Variants in ADAM19 observed in about 807,000 individuals in gnomAD.
ADAM19 encodes disintegrin and metalloproteinase domain-containing protein 19.
In ADAM19, 65 loss-of-function variants were observed where a neutral mutation model predicts 114.7. The observed-to-expected ratio is 0.57, with a 90% CI of 0.46 to 0.70. ADAM19 has a LOEUF of 0.70. ADAM19 is among the 30% of genes least tolerant of loss of function. The pLI is 0.00. For synonymous variants in ADAM19, 466 were observed against 460.5 expected, an observed-to-expected ratio of 1.01 and a Z score of -0.15; for missense variants, 1,063 against 1,204.7, an observed-to-expected ratio of 0.88 and a Z score of 1.74.
At chr5:157,555,468 T>C (rs1453096537) in intron 3 of ADAM19, among the ~76,000 whole-genome samples, 2 of 152,172 alleles carry the variant, frequency 1.3e-5, no homozygotes, top group Admixed American at 6.5e-5. Context: ...TATTGCTCAA[T>C]ATGTTTTTTT....
intron 3 of ADAM19, among the ~76,000 whole-genome samples, chr5:157,541,736 T>G (rs186176528): frequency 6.6e-6 from 1 of 152,270 alleles, no homozygotes; most frequent in African/African-American, 2.4e-5. Flanking sequence ...CTCAGGACAA[T>G]TCCTTTAAGT....
chr5:157,521,732 G>A (rs552517099), intron 5 of ADAM19, among the ~76,000 whole-genome samples: 1 of 152,272 alleles, frequency 6.6e-6, no homozygotes, highest in East Asian at 1.9e-4. Context: ...AAGGAGCAAG[G>A]GTCGCATCCA....
At chr5:157,548,851 G>T (rs1379394757) in intron 3 of ADAM19, among the ~76,000 whole-genome samples, 2 of 152,188 alleles carry the variant, frequency 1.3e-5, no homozygotes, top group African/African-American at 4.8e-5. Context: ...TTTCCAGAGA[G>T]CCTAGATGAA....
At position 157,477,542 on chromosome 5, in the gene ADAM19, G is replaced by A. The variant is rs963940382; in HGVS notation, c.*3407C>T. On this transcript the variant is annotated 3_prime_UTR_variant, in exon 23 of 23. Coordinates refer to ENST00000257527, the MANE Select transcript of ADAM19 (RefSeq NM_033274.5). ...TGGACGGTGTGAGAGGACGCGTTGGGGGTGACTTTGGAAATGTGGGCTTGG... is the reference window on the plus strand; with the variant it reads ...TGGACGGTGTGAGAGGACGCGTTGGAGGTGACTTTGGAAATGTGGGCTTGG... 4.3e-5 allele frequency: 51 copies of A among 1,184,246 alleles called. No homozygotes were observed. The highest frequency in any genetic ancestry group is 5.4e-5 in the Non-Finnish European group (50 of 934,180). 73.4% of individuals were successfully genotyped at this position (1,184,246 alleles called of 1,614,324 possible). A position where few individuals can be genotyped will look rare whatever the true frequency, so the allele number is the denominator to read the frequency against.
At chr5:157,551,157 C>A (rs936074383) in intron 3 of ADAM19, among the ~76,000 whole-genome samples, 3 of 152,156 alleles carry the variant, frequency 2.0e-5, no homozygotes, top group East Asian at 1.9e-4. Context: ...GTAATCCCAG[C>A]ACTTTGGGAA....
At chr5:157,539,161 A>T (rs954961696) in intron 3 of ADAM19, among the ~76,000 whole-genome samples, 1 of 152,082 alleles carries the variant, frequency 6.6e-6, no homozygotes, top group Non-Finnish European at 1.5e-5. Flanking sequence ...CTCAAAAAAA[A>T]AAAAAAAAAG....
chr5:157,490,381 G>A lies in ADAM19; in HGVS notation c.2169C>T (p.Cys723=), dbSNP rs200633946. 1.9e-6 allele frequency: 3 copies of A among 1,614,134 alleles called. No homozygotes were observed. Among genetic ancestry groups the A allele is most frequent in the Middle Eastern group, 1.6e-4 (1 of 6,062 alleles). Residue 723 remains cysteine (C), a synonymous_variant, in exon 19 of 23, where the codon TGC becomes TGT. Coordinates refer to ENST00000257527, the MANE Select transcript of ADAM19 (RefSeq NM_033274.5). ...VLAVLMLMYY[C]CRQNNKLGQL... is the part of the protein sequence containing the mutation. ...GGCCTAGTTTGTTGTTCTGTCTGCA[G>A]CAGTAGTACATCAGCATGAGGACCG...
At chr5:157,549,069 CTCCA>C (rs1308427843) in intron 3 of ADAM19, among the ~76,000 whole-genome samples, 2 of 152,152 alleles carry the variant, frequency 1.3e-5, no homozygotes, top group Non-Finnish European at 2.9e-5. Context: ...CCAAGTACAC[CTCCA>C]TCCTCTTGGC....
intron 21 of ADAM19, 73 bp from the exon 22 acceptor site, chr5:157,482,016 A>T: frequency 1.6e-6 from 2 of 1,250,354 alleles, no homozygotes; most frequent in Admixed American, 2.8e-5. Context: ...GATATCTTAC[A>T]GGTTAAAATC....
At chr5:157,524,016 G>A (rs1756383847) in intron 5 of ADAM19, among the ~76,000 whole-genome samples, 4 of 152,234 alleles carry the variant, frequency 2.6e-5, no homozygotes, top group Admixed American at 2.6e-4. Flanking sequence ...CTGGTTATTT[G>A]CCCATGTCAC....
chr5:157,564,156 G>A (rs1358750237), intron 3 of ADAM19, among the ~76,000 whole-genome samples: 1 of 152,164 alleles, frequency 6.6e-6, no homozygotes, highest in East Asian at 1.9e-4. Context: ...ACTGCCTAAG[G>A]AAATTTTAGC....
chr5:157,556,209 C>CTTTTTT (rs68078503), intron 3 of ADAM19, among the ~76,000 whole-genome samples: 482 of 66,376 alleles, frequency 7.3e-3, no homozygotes, highest in East Asian at 0.041. Flanking sequence ...TTTTCTTTTT[C>CTTTTTT]TTTTTTTTTT....
In ADAM19 at chr5:157,530,772, TGCCCGGTGCCACCTGCA is replaced by T. The variant is rs1385921462; in HGVS notation, c.407+18_407+34del. 6.3e-7 allele frequency: 1 copy of T among 1,575,314 alleles called. No homozygotes were observed. Among genetic ancestry groups the T allele is most frequent in the Non-Finnish European group, 8.7e-7 (1 of 1,145,244 alleles). On this transcript the variant is annotated intron_variant, in intron 5 of 22. Coordinates refer to ENST00000257527, the MANE Select transcript of ADAM19 (RefSeq NM_033274.5). ...TTGAAACTTCCATTCCTGGGGAGAG[TGCCCGGTGCCACCTGCA>T]GCCTCAGGGTCTCTTACCTAATTCC...
At chr5:157,486,590 CAG>C (rs1754940910) in intron 21 of ADAM19, among the ~76,000 whole-genome samples, 1 of 152,100 alleles carries the variant, frequency 6.6e-6, no homozygotes, top group South Asian at 2.1e-4. Context: ...CTAGGGGTGA[CAG>C]GGGTGAGGCT....
chr5:157,510,511 C>A (rs560892898), intron 8 of ADAM19, among the ~76,000 whole-genome samples: 58 of 152,318 alleles, frequency 3.8e-4, no homozygotes, highest in South Asian at 8.3e-4. Flanking sequence ...TCGCCATCAT[C>A]CAGTGTTAGA....
At chr5:157,495,021 G>T (rs902399495) in intron 14 of ADAM19, among the ~76,000 whole-genome samples, 1 of 150,614 alleles carries the variant, frequency 6.6e-6, no homozygotes, top group Admixed American at 6.6e-5. Context: ...ATGGATTCTC[G>T]CTCTGTCACC....
At chr5:157,522,278 G>C (rs1455836182) in intron 5 of ADAM19, among the ~76,000 whole-genome samples, 2 of 147,714 alleles carry the variant, frequency 1.4e-5, no homozygotes, top group Non-Finnish European at 3.0e-5. Flanking sequence ...AGTAAGAGTA[G>C]GGATTTGTTT....
At chr5:157,557,378 A>G (rs1757394452) in intron 3 of ADAM19, among the ~76,000 whole-genome samples, 2 of 152,178 alleles carry the variant, frequency 1.3e-5, no homozygotes, top group African/African-American at 2.4e-5. Flanking sequence ...TTGTGTGCAC[A>G]AGGCTTTCAG....
intron 21 of ADAM19, among the ~76,000 whole-genome samples, chr5:157,483,505 G>A (rs546858944): frequency 6.6e-6 from 1 of 152,106 alleles, no homozygotes; most frequent in Non-Finnish European, 1.5e-5. Context: ...GAGGATAGTT[G>A]ACATAAAATA....
Sources: gnomAD v4.1 joint callset for allele counts (sites outside exome capture counted in the v4.1 genomes callset) on GRCh38, gnomAD v4.1.1 for gene constraint, MANE v1.5 for transcripts, NCBI Gene and HGNC (gene_info 2026-07-23, HGNC 2026-07-21) for gene names.